MICAL2: variants seen among roughly 807,000 people sequenced by gnomAD.
MICAL2 encodes microtubule associated monooxygenase, calponin and LIM domain containing 2.
A neutral mutation model predicts 127.3 loss-of-function variants in MICAL2; 77 were observed. That is an observed-to-expected ratio of 0.60 (90% CI 0.50 to 0.73). The LOEUF is 0.73. Among genes scored for constraint, MICAL2 ranks in the 30% least tolerant of loss-of-function variants. MICAL2 has a pLI of 0.00. For missense variants in MICAL2, 1,351 were observed against 1,434.4 expected (o/e 0.94, Z 0.94); for synonymous variants, 570 against 551.1 (o/e 1.03, Z -0.48).
At chr11:12,264,665 T>G (rs1863539491), downstream of MICAL2, among the ~76,000 whole-genome samples, 1 of 152,190 alleles carries the variant, frequency 6.6e-6, no homozygotes, top group African/African-American at 2.4e-5. Flanking sequence ...CTCTGATGCC[T>G]GGATCTACCT....
At chr11:12,185,815 G>A (rs1858171583) in intron 3 of MICAL2, among the ~76,000 whole-genome samples, 1 of 152,214 alleles carries the variant, frequency 6.6e-6, no homozygotes. Context: ...AAGCCAAAGT[G>A]ACCCTTTTGT....
chr11:12,333,372 CAATAGAACAG>C (rs1458967406), intron 32 of MICAL2, among the ~76,000 whole-genome samples: 2 of 150,366 alleles, frequency 1.3e-5, no homozygotes, highest in Admixed American at 1.3e-4. Flanking sequence ...AAAAAAAAAG[CAATAGAACAG>C]AATAGAACTT....
At chr11:12,172,774 GGA>G (rs1423812986) in intron 3 of MICAL2, among the ~76,000 whole-genome samples, 3 of 152,028 alleles carry the variant, frequency 2.0e-5, no homozygotes, top group African/African-American at 7.2e-5. Flanking sequence ...ACCCAGAACA[GGA>G]GAGGTCAGTC....
At chr11:12,140,193 A>G (rs2133619053) in intron 2 of MICAL2, among the ~76,000 whole-genome samples, 1 of 152,348 alleles carries the variant, frequency 6.6e-6, no homozygotes, top group African/African-American at 2.4e-5. Flanking sequence ...GAAGTGTATC[A>G]TGTTGTATCA....
At chr11:12,127,984 C>T (rs2013486) in intron 1 of MICAL2, among the ~76,000 whole-genome samples, 28,133 of 152,200 alleles carry the variant, frequency 0.18, 3,050 homozygotes, top group South Asian at 0.37. Context: ...AATACTTAGA[C>T]TAGCACCTGA....
chr11:12,256,665 C>T, intron 23 of MICAL2, 120 bp from the exon 24 acceptor site: 1 of 919,032 alleles, frequency 1.1e-6, no homozygotes, highest in Non-Finnish European at 1.6e-6. Context: ...GTGGCAGTAG[C>T]AGGAAGCAGA....
rs1334526171 is a variant in MICAL2, at chr11:12,258,563, T to G, written c.3231+7T>G. ...GTTGAAGCAACAAAGAGAGGTATGT[T>G]TGTCTCAAACATGCTGGTGAAACGG... On this transcript the variant is annotated splice_region_variant and intron_variant, in intron 25 of 27. Coordinates refer to ENST00000683283, the MANE Select transcript of MICAL2 (RefSeq NM_001282663.2). 1 of 1,612,126 alleles carries G rather than the reference T, an allele frequency of 6.2e-7. No homozygotes were observed. The highest frequency in any genetic ancestry group is 1.7e-5 in the Admixed American group (1 of 60,024).
chr11:12,132,965 C>A (rs1043716777), intron 1 of MICAL2, among the ~76,000 whole-genome samples: 1 of 152,186 alleles, frequency 6.6e-6, no homozygotes, highest in Non-Finnish European at 1.5e-5. Context: ...CTTGCCTGTG[C>A]TCATTTGTGT....
chr11:12,220,232 C>T lies in MICAL2; in HGVS notation c.980C>T (p.Ala327Val), dbSNP rs369887102. The change falls in exon 9 of 28, where the codon GCG becomes GTG. Residue 327 changes from alanine (A) to valine (V), a missense_variant. This residue lies in a region of MICAL2 where 599 missense variants were observed against 714.9 expected (regional missense o/e 0.84). Coordinates refer to ENST00000683283, the MANE Select transcript of MICAL2 (RefSeq NM_001282663.2). ...DYIDTEMLLC[A>V]ENVNQDNLLS... ...ATCGACACAGAGATGCTGCTGTGTG[C>T]GGAGAACGTGAACCAAGACAACCTG... The T allele has an allele frequency of 5.7e-5, 92 of 1,614,030 alleles. No homozygotes were observed. The highest frequency in any genetic ancestry group is 7.0e-5 in the Non-Finnish European group (83 of 1,180,036).
At chr11:12,184,296 C>T (rs1362442145) in intron 3 of MICAL2, among the ~76,000 whole-genome samples, 1 of 152,242 alleles carries the variant, frequency 6.6e-6, no homozygotes, top group Non-Finnish European at 1.5e-5. Flanking sequence ...TGAGCGGAAG[C>T]TCTCTATCTG....
At chr11:12,250,518 T>G (rs1328811576) in intron 22 of MICAL2, among the ~76,000 whole-genome samples, 1 of 152,226 alleles carries the variant, frequency 6.6e-6, no homozygotes, top group Non-Finnish European at 1.5e-5. Flanking sequence ...AAGTTGAGGC[T>G]CACAGAAGGG....
intron 1 of MICAL2, among the ~76,000 whole-genome samples, chr11:12,136,090 G>T (rs187763882): frequency 1.3e-5 from 2 of 152,026 alleles, no homozygotes; most frequent in African/African-American, 4.8e-5. Flanking sequence ...CCTGTCACTT[G>T]GGCCTGTCAT....
intron 1 of MICAL2, among the ~76,000 whole-genome samples, chr11:12,132,641 T>C (rs1342819736): frequency 6.6e-6 from 1 of 152,240 alleles, no homozygotes; most frequent in Non-Finnish European, 1.5e-5. Flanking sequence ...GCCTGTGTCC[T>C]GTGAGGGTCA....
At chr11:12,219,645 T>G (rs778143781) in intron 8 of MICAL2, among the ~76,000 whole-genome samples, 8 of 152,152 alleles carry the variant, frequency 5.3e-5, no homozygotes, top group Non-Finnish European at 1.0e-4. Flanking sequence ...TTTCTGGTCT[T>G]GTTTGACCAC....
rs117800394 is a variant in MICAL2, at chr11:12,157,571, C to T, written c.-77-4508C>T. Among the ~76,000 whole-genome samples, 937 of 152,256 alleles carry T rather than the reference C, an allele frequency of 6.2e-3. 11 individuals are homozygous for T. Among genetic ancestry groups the T allele is most frequent in the East Asian group, 0.051 (262 of 5,178 alleles). On this transcript the variant is annotated intron_variant, in intron 2 of 27. Transcript: ENST00000683283. ...ACATCTTGTTTCTTCCCAGAAAATG[C>T]AGAAAGCCTCATATTTCTGGCTAGT...
chr11:12,334,479 T>G (rs1938709922), intron 32 of MICAL2, among the ~76,000 whole-genome samples: 1 of 152,026 alleles, frequency 6.6e-6, no homozygotes, highest in South Asian at 2.1e-4. Flanking sequence ...ACTTTAAGTT[T>G]TAGGGTACAT....
intron 2 of MICAL2, among the ~76,000 whole-genome samples, chr11:12,159,914 G>A (rs528455586): frequency 4.6e-5 from 7 of 152,164 alleles, no homozygotes; most frequent in African/African-American, 9.7e-5. Context: ...AGGAATCCAC[G>A]CTTGTCGCAC....
chr11:12,116,282 T>G (rs564966992), intron 1 of MICAL2, among the ~76,000 whole-genome samples: 1 of 152,028 alleles, frequency 6.6e-6, no homozygotes, highest in East Asian at 1.9e-4. Flanking sequence ...CTGGCCCCTC[T>G]TTCCCTTTCT....
chr11:12,149,424 T>C (rs915085791), intron 2 of MICAL2, among the ~76,000 whole-genome samples: 2 of 152,174 alleles, frequency 1.3e-5, no homozygotes, highest in South Asian at 2.1e-4. Context: ...TAAAGATCTC[T>C]CTGGCAACAG....
Sources: gnomAD v4.1 joint callset for allele counts (sites outside exome capture counted in the v4.1 genomes callset) on GRCh38, gnomAD v4.1.1 for gene constraint, gnomAD v4.1.1 regional missense constraint, MANE v1.5 for transcripts, NCBI Gene and HGNC (gene_info 2026-07-23, HGNC 2026-07-21) for gene names.